The following SNX24 variants were observed in gnomAD, a reference collection of about 807,000 sequenced individuals.
The protein encoded by SNX24 is sorting nexin-24.
In SNX24, 22 loss-of-function variants were observed where a neutral mutation model predicts 28.7. The observed-to-expected ratio is 0.77, with a 90% CI of 0.55 to 1.10. SNX24 has a LOEUF of 1.10. SNX24 is among the 50% of genes least tolerant of loss of function. The probability of loss-of-function intolerance (pLI) is 0.00; values close to 1 mark genes in which losing one functional copy is unlikely to be tolerated. For missense variants in SNX24, 221 were observed against 201.1 expected (o/e 1.10, Z -0.60); for synonymous variants, 69 against 71.5 (o/e 0.96, Z 0.18).
chr5:123,002,172 T>C, intron 6 of SNX24, 168 bp downstream of exon 6: 1 of 614,866 alleles, frequency 1.6e-6, no homozygotes. Context: ...TAATTGGGGC[T>C]GGCCTTTCAG....
At chr5:123,012,595 CAATGT>C (rs923163014), downstream of SNX24, among the ~76,000 whole-genome samples, 12 of 152,234 alleles carry the variant, frequency 7.9e-5, no homozygotes, top group African/African-American at 2.6e-4. Context: ...CATTGCTTAA[CAATGT>C]AATGTACTTA....
At chr5:122,971,118 G>A (rs952755852) in intron 3 of SNX24, among the ~76,000 whole-genome samples, 1 of 152,120 alleles carries the variant, frequency 6.6e-6, no homozygotes, top group African/African-American at 2.4e-5. Flanking sequence ...TCAGTCTCTG[G>A]CCAAAGGCCT....
chr5:122,917,381 G>C (rs1170389739), intron 1 of SNX24, among the ~76,000 whole-genome samples: 5 of 152,076 alleles, frequency 3.3e-5, no homozygotes, highest in Non-Finnish European at 5.9e-5. Context: ...TATCTCATTT[G>C]ACAATGAACT....
intron 1 of SNX24, among the ~76,000 whole-genome samples, chr5:122,861,073 C>G (rs1252568994): frequency 6.6e-6 from 1 of 151,976 alleles, no homozygotes; most frequent in Non-Finnish European, 1.5e-5. Flanking sequence ...GGTGCAGTGG[C>G]TGACGCCTAT....
intron 1 of SNX24, among the ~76,000 whole-genome samples, chr5:122,910,437 C>T (rs540178673): frequency 6.0e-4 from 91 of 152,248 alleles, no homozygotes; most frequent in Admixed American, 3.3e-4. Flanking sequence ...CAAGGCCCAG[C>T]CTGAGGAAAG....
At chr5:122,865,362 G>T (rs1755667176) in intron 1 of SNX24, among the ~76,000 whole-genome samples, 1 of 152,124 alleles carries the variant, frequency 6.6e-6, no homozygotes, top group South Asian at 2.1e-4. Context: ...ACTGAATCTT[G>T]CTCTGTTGCC....
chr5:122,936,069 A>G (rs1274388777), intron 1 of SNX24, among the ~76,000 whole-genome samples: 1 of 152,148 alleles, frequency 6.6e-6, no homozygotes, highest in Non-Finnish European at 1.5e-5. Context: ...GAATCAAGAA[A>G]ATGTCATGTT....
chr5:122,907,037 G>T (rs34844238), intron 1 of SNX24, among the ~76,000 whole-genome samples: 3,980 of 152,114 alleles, frequency 0.026, 69 homozygotes, highest in Non-Finnish European at 0.037. Flanking sequence ...GACTCAAAAA[G>T]GAAAACGTTA....
downstream of SNX24, among the ~76,000 whole-genome samples, chr5:123,012,031 G>T (rs401226): frequency 6.6e-6 from 1 of 151,982 alleles, no homozygotes; most frequent in Non-Finnish European, 1.5e-5. Flanking sequence ...GTGAGTGCTC[G>T]TGAGATCTGA....
At chr5:122,914,325 A>G (rs1294379080) in intron 1 of SNX24, among the ~76,000 whole-genome samples, 1 of 152,326 alleles carries the variant, frequency 6.6e-6, no homozygotes, top group East Asian at 1.9e-4. Flanking sequence ...TTTTTGCATC[A>G]ATGTTCATCA....
At chr5:122,947,998 T>C (rs1410381188) in intron 3 of SNX24, among the ~76,000 whole-genome samples, 2 of 152,310 alleles carry the variant, frequency 1.3e-5, no homozygotes, top group East Asian at 3.9e-4. Flanking sequence ...GCTTAGAATT[T>C]TCTATTCTCA....
At chr5:122,910,919 C>CAA (rs1412245520) in intron 1 of SNX24, among the ~76,000 whole-genome samples, 1 of 152,028 alleles carries the variant, frequency 6.6e-6, no homozygotes, top group Non-Finnish European at 1.5e-5. Flanking sequence ...AATAATGCCT[C>CAA]AATAAACATA....
At chr5:123,015,014 A>G (rs760945837) in intron 5 of SNX24, among the ~76,000 whole-genome samples, 6 of 151,994 alleles carry the variant, frequency 3.9e-5, no homozygotes, top group Admixed American at 1.3e-4. Flanking sequence ...CCTAGGCCCC[A>G]CTCCATACCA....
intron 1 of SNX24, among the ~76,000 whole-genome samples, chr5:122,904,693 A>C (rs1032823447): frequency 6.6e-6 from 1 of 152,160 alleles, no homozygotes; most frequent in African/African-American, 2.4e-5. Context: ...TCGGCTTAAT[A>C]TGTCTTATTC....
chr5:123,007,981 G>C lies in SNX24; in HGVS notation c.*232G>C. The C allele has an allele frequency of 8.2e-7, 1 of 1,223,132 alleles. No individual in the cohort carries two copies. Among genetic ancestry groups the C allele is most frequent in the Non-Finnish European group, 1.0e-6 (1 of 976,826 alleles). 75.8% of individuals were successfully genotyped at this position (1,223,132 alleles called of 1,614,324 possible). Reference sequence around the variant, plus strand: ...TAAGGCCAAGTGTTTAAGAAGTAGAGTGTAGCTGCCAGCGTAGAAACCCAT... The same window carrying C: ...TAAGGCCAAGTGTTTAAGAAGTAGACTGTAGCTGCCAGCGTAGAAACCCAT... On this transcript the variant is annotated 3_prime_UTR_variant, in exon 7 of 7. Coordinates refer to ENST00000261369, the MANE Select transcript of SNX24 (RefSeq NM_014035.4).
intron 2 of SNX24, among the ~76,000 whole-genome samples, chr5:122,942,753 A>G (rs935284445): frequency 5.3e-5 from 8 of 152,156 alleles, no homozygotes; most frequent in African/African-American, 1.9e-4. Context: ...GGATGAAGTG[A>G]CAGAGGAGTA....
At chr5:123,018,028 A>C (rs1223663035) in intron 5 of SNX24, among the ~76,000 whole-genome samples, 3 of 151,944 alleles carry the variant, frequency 2.0e-5, no homozygotes, top group Non-Finnish European at 4.4e-5. Context: ...CCTAGAGAGG[A>C]GCTTCCAGTC....
intron 3 of SNX24, among the ~76,000 whole-genome samples, chr5:122,981,862 T>A (rs550884187): frequency 3.0e-4 from 45 of 152,346 alleles, no homozygotes; most frequent in Middle Eastern, 3.4e-3. Flanking sequence ...TCTTTGACTC[T>A]ACTCACTCAT....
At chr5:122,971,770 T>G (rs1263434300) in intron 3 of SNX24, among the ~76,000 whole-genome samples, 1 of 152,230 alleles carries the variant, frequency 6.6e-6, no homozygotes, top group Non-Finnish European at 1.5e-5. Context: ...ACAGTCCTCA[T>G]TCATGCAACT....
Sources: allele counts gnomAD v4.1 joint callset (sites outside exome capture counted in the v4.1 genomes callset), GRCh38; gene constraint gnomAD v4.1.1; transcripts MANE v1.5; gene names NCBI Gene and HGNC (gene_info 2026-07-23, HGNC 2026-07-21).